The following FNDC3A variants were observed in gnomAD, a reference collection of about 807,000 sequenced individuals.
The protein encoded by FNDC3A is fibronectin type-III domain-containing protein 3A.
A neutral mutation model predicts 148.9 loss-of-function variants in FNDC3A; 32 were observed. The observed-to-expected ratio is 0.21, with a 90% CI of 0.16 to 0.29. FNDC3A has a LOEUF of 0.29. Among genes scored for constraint, FNDC3A ranks in the 10% least tolerant of loss-of-function variants. FNDC3A has a pLI of 1.00. For synonymous variants in FNDC3A, 472 were observed against 473.6 expected, an observed-to-expected ratio of 1.00 and a Z score of 0.04; for missense variants, 1,191 against 1,452.8, an observed-to-expected ratio of 0.82 and a Z score of 2.93.
chr13:49,095,974 T>C (rs1405861329), intron 3 of FNDC3A, among the ~76,000 whole-genome samples: 1 of 152,120 alleles, frequency 6.6e-6, no homozygotes, highest in Non-Finnish European at 1.5e-5. Context: ...ATGTGATTTT[T>C]AGACACTACC....
At position 49,017,676 on chromosome 13, in the gene FNDC3A, C is replaced by G. The variant is rs1050087782; in HGVS notation, c.99+11387C>G. Reference sequence around the variant, plus strand: ...TAGCTGGTTATTTTGCTCATTAGTTCATGCAGTTTCTTCCTATTCTCGATG... The same window carrying G: ...TAGCTGGTTATTTTGCTCATTAGTTGATGCAGTTTCTTCCTATTCTCGATG... On this transcript the variant is annotated intron_variant, in intron 2 of 25. Transcript: ENST00000492622. Among the ~76,000 whole-genome samples, 28 of 151,920 alleles carry G rather than the reference C, an allele frequency of 1.8e-4. 1 individual carries two copies. Among genetic ancestry groups the G allele is most frequent in the South Asian group, 8.4e-4 (4 of 4,782 alleles).
intron 2 of FNDC3A, among the ~76,000 whole-genome samples, chr13:49,062,293 A>AT (rs1432658056): frequency 1.3e-5 from 2 of 152,236 alleles, no homozygotes; most frequent in East Asian, 3.9e-4. Flanking sequence ...CTATTCTTGC[A>AT]TTTTTTTCTA....
At chr13:48,986,595 A>G (rs1951808275) in intron 1 of FNDC3A, among the ~76,000 whole-genome samples, 2 of 151,844 alleles carry the variant, frequency 1.3e-5, no homozygotes, top group African/African-American at 4.8e-5. Context: ...ACGGGGTTTC[A>G]CCATGTTGGT....
Position 49,208,622 on chromosome 13 carries a change from T to G in FNDC3A, c.*1227T>G, listed in dbSNP as rs1477214549. ...GAGCTTGCATTTGTGAGTTATTGGA[T>G]GATCAGACTGAATTTTGTCAAGTAT... is the stretch of plus-strand genomic sequence containing the variant. On this transcript the variant is annotated 3_prime_UTR_variant, in exon 26 of 26. Transcript: ENST00000492622. 1 of 152,668 alleles carries G rather than the reference T, an allele frequency of 6.6e-6. No individual in the cohort carries two copies. Among genetic ancestry groups the G allele is most frequent in the African/African-American group, 2.4e-5 (1 of 41,466 alleles). 9.5% of individuals were successfully genotyped at this position (152,668 alleles called of 1,614,324 possible).
Position 49,196,862 on chromosome 13 carries a change from C to A in FNDC3A, c.2227-15C>A, listed in dbSNP as rs114835374. The A allele has an allele frequency of 2.8e-6, 4 of 1,439,514 alleles. No homozygotes were observed. The highest frequency in any genetic ancestry group is 3.9e-6 in the Non-Finnish European group (4 of 1,031,350). 89.2% of individuals were successfully genotyped at this position (1,439,514 alleles called of 1,614,324 possible). A position where few individuals can be genotyped will look rare whatever the true frequency, so the allele number is the denominator to read the frequency against. The stretch of plus-strand genomic sequence containing the variant: ...GGGTGAAAAATAAAAACACTAGTTA[C>A]ATTTGTTTTTCTAGTTTGGACCATT... On this transcript the variant is annotated splice_polypyrimidine_tract_variant and intron_variant, in intron 19 of 25. Coordinates refer to ENST00000492622, the MANE Select transcript of FNDC3A (RefSeq NM_001079673.2).
In FNDC3A at chr13:49,191,394, C is replaced by A; in HGVS notation, c.2226+10C>A. 6.4e-7 allele frequency: 1 copy of A among 1,568,820 alleles called. No homozygotes were observed. The highest frequency in any genetic ancestry group is 2.0e-5 in the Admixed American group (1 of 49,654). ...AGCTAACAAAATGGGGGTAAGAAGA[C>A]TGTGCTGGTAGAATTATAATCACAA... On this transcript the variant is annotated intron_variant, in intron 19 of 25. Transcript: ENST00000492622.
chr13:49,011,041 G>C (rs944324262), intron 2 of FNDC3A, among the ~76,000 whole-genome samples: 5 of 151,900 alleles, frequency 3.3e-5, no homozygotes, highest in African/African-American at 4.8e-5. Flanking sequence ...TCATTTATCT[G>C]TTCTCTTCTT....
chr13:49,034,062 T>C (rs1450284723), intron 2 of FNDC3A, among the ~76,000 whole-genome samples: 1 of 151,996 alleles, frequency 6.6e-6, no homozygotes, highest in Non-Finnish European at 1.5e-5. Flanking sequence ...CTAAAATAAT[T>C]ATATTTTAGC....
At position 49,027,513 on chromosome 13, in the gene FNDC3A, T is replaced by C. The variant is rs538605429; in HGVS notation, c.99+21224T>C. 1.6e-3 allele frequency among the ~76,000 whole-genome samples: 243 copies of C among 152,342 alleles called. 1 individual carries two copies. The highest frequency in any genetic ancestry group is 2.7e-3 in the Non-Finnish European group (185 of 68,022). The stretch of plus-strand genomic sequence containing the variant: ...AGTGATTTGCAGAAAGCAATAATTA[T>C]ACACTGTTGGTTGGCTTATAAGGTA... On this transcript the variant is annotated intron_variant, in intron 2 of 25. Transcript: ENST00000492622.
intron 2 of FNDC3A, among the ~76,000 whole-genome samples, chr13:49,062,026 G>A (rs918328669): frequency 9.2e-5 from 14 of 151,614 alleles, no homozygotes; most frequent in Admixed American, 3.9e-4. Flanking sequence ...TAGTAATTGC[G>A]GAAACCATTG....
chr13:49,150,351 T>G (rs1883218932), intron 8 of FNDC3A, among the ~76,000 whole-genome samples: 2 of 152,254 alleles, frequency 1.3e-5, no homozygotes, highest in Non-Finnish European at 1.5e-5. Flanking sequence ...AGATGTGCAT[T>G]GCTAGATTGT....
At chr13:49,070,881 C>CTTTTTTTTTTTTTTTTTTTTTTTTT (rs758290861) in intron 2 of FNDC3A, among the ~76,000 whole-genome samples, 14 of 120,970 alleles carry the variant, frequency 1.2e-4, no homozygotes, top group East Asian at 2.3e-4. Context: ...AACAGGATTT[C>CTTTTTTTTTTTTTTTTTTTTTTTTT]TTTTTTTTTT....
chr13:49,126,865 A>C (rs1566268026), intron 4 of FNDC3A, among the ~76,000 whole-genome samples: 1 of 152,248 alleles, frequency 6.6e-6, no homozygotes, highest in Non-Finnish European at 1.5e-5. Context: ...GAAAATTAAC[A>C]TTTCAGTGTT....
chr13:49,167,778 AC>A (rs1884555456), intron 9 of FNDC3A, among the ~76,000 whole-genome samples: 1 of 152,010 alleles, frequency 6.6e-6, no homozygotes, highest in South Asian at 2.1e-4. Flanking sequence ...CAAAAAAAAA[AC>A]ATTTAACTCA....
intron 19 of FNDC3A, among the ~76,000 whole-genome samples, chr13:49,193,348 C>T (rs1885985571): frequency 6.6e-6 from 1 of 152,144 alleles, no homozygotes; most frequent in Admixed American, 6.6e-5. Context: ...GCAACCTCAA[C>T]CTCCCAGGCT....
Position 49,198,210 on chromosome 13 carries a change from G to A in FNDC3A, c.2719G>A (p.Val907Met). The change falls in exon 22 of 26, where the codon GTG becomes ATG. Residue 907 changes from valine to methionine, a missense_variant. Val to Met is a conservative substitution (Grantham distance 21). Around this residue, in one of 3 missense-constraint regions of FNDC3A, gnomAD observed 751 missense variants for 944.0 expected, o/e 0.80. Transcript: ENST00000492622. ...IDFGDKQSLT[V>M]GKVTSYIINN... ...CTTTGGAGATAAACAATCCCTAACA[G>A]TGGGAAAGGTTACAAGCTATATTAT... 1 of 1,614,092 alleles carries A rather than the reference G, an allele frequency of 6.2e-7. No individual in the cohort carries two copies. Among genetic ancestry groups the A allele is most frequent in the Non-Finnish European group, 8.5e-7 (1 of 1,179,970 alleles).
chr13:49,187,215 T>C (rs969829020), intron 16 of FNDC3A, 25 bp downstream of exon 16: 1 of 1,458,520 alleles, frequency 6.9e-7, no homozygotes, highest in Middle Eastern at 1.8e-4. Flanking sequence ...TAAACACTGA[T>C]AGATTTATTC....
chr13:49,066,576 G>A (rs1877277458), intron 2 of FNDC3A, among the ~76,000 whole-genome samples: 1 of 152,028 alleles, frequency 6.6e-6, no homozygotes, highest in Non-Finnish European at 1.5e-5. Context: ...TTCAGACTAG[G>A]CAACAAAGAC....
intron 12 of FNDC3A, 110 bp downstream of exon 12, chr13:49,174,669 T>A: frequency 1.0e-6 from 1 of 994,712 alleles, no homozygotes; most frequent in Non-Finnish European, 1.5e-6. Flanking sequence ...GCTTAGTTTA[T>A]CTCTTTGTTG....
Sources: allele counts gnomAD v4.1 joint callset (sites outside exome capture counted in the v4.1 genomes callset), GRCh38; gene constraint gnomAD v4.1.1; regional missense constraint gnomAD v4.1.1; transcripts MANE v1.5; gene names NCBI Gene and HGNC (gene_info 2026-07-23, HGNC 2026-07-21).